ANO7: variants seen among roughly 807,000 people sequenced by gnomAD.
ANO7 encodes the protein anoctamin-7.
In ANO7, 114 loss-of-function variants were observed where a neutral mutation model predicts 115.8. The observed-to-expected ratio is 0.98, with a 90% CI of 0.85 to 1.15. ANO7 has a LOEUF of 1.15. Ranked by LOEUF, ANO7 falls within the 50% of genes most tolerant of loss-of-function variation. The pLI is 0.00. For missense variants in ANO7, 1,302 were observed against 1,201.2 expected, an observed-to-expected ratio of 1.08 and a Z score of -1.24; for synonymous variants, 550 against 498.2, an observed-to-expected ratio of 1.10 and a Z score of -1.38.
chr2:241,210,607 G>GC (rs772422753), intron 15 of ANO7, 37 bp downstream of exon 15: 2 of 1,574,146 alleles, frequency 1.3e-6, no homozygotes. Flanking sequence ...CTGACCAGGG[G>GC]CCCACCCTGC....
At chr2:241,189,474 A>G (rs1021031232) in intron 1 of ANO7, among the ~76,000 whole-genome samples, 8 of 152,002 alleles carry the variant, frequency 5.3e-5, no homozygotes, top group African/African-American at 1.9e-4. Flanking sequence ...GAGCCACGGC[A>G]CCTGTCCTCC....
chr2:241,202,769 C>G (rs6728788), intron 8 of ANO7, among the ~76,000 whole-genome samples: 4,394 of 152,322 alleles, frequency 0.029, 194 homozygotes, highest in African/African-American at 0.099. Flanking sequence ...ATTTATTCCC[C>G]CACCCGCCCA....
At chr2:241,235,303 GAA>G in the ANO7 span, 1 of 1,613,168 alleles carries the variant, frequency 6.2e-7, no homozygotes, top group Non-Finnish European at 8.5e-7. Flanking sequence ...CAGAGAACAG[GAA>G]AGAGTCCATT....
intron 17 of ANO7, among the ~76,000 whole-genome samples, chr2:241,214,323 G>C (rs1440240186): frequency 6.6e-6 from 1 of 152,196 alleles, no homozygotes; most frequent in African/African-American, 2.4e-5. Flanking sequence ...GCTATTCCCA[G>C]CATTGCCTGT....
At chr2:241,221,793 TC>T (rs2069025420) in intron 21 of ANO7, among the ~76,000 whole-genome samples, 1 of 151,944 alleles carries the variant, frequency 6.6e-6, no homozygotes, top group African/African-American at 2.4e-5. Context: ...TTCTCCTGCC[TC>T]AGCCTCCTGA....
At position 241,223,948 on chromosome 2, in the gene ANO7, GCTCAGAGGCAAGTCTGGGAGCAGC is replaced by G. The variant is rs770333205; in HGVS notation, c.2578_2583+18del. The G allele has an allele frequency of 1.9e-6, 3 of 1,609,418 alleles. No homozygotes were observed. The highest frequency in any genetic ancestry group is 1.1e-5 in the South Asian group (1 of 91,070). ...GGAACAAAGGATGAGCAGCCCGAGG[GCTCAGAGGCAAGTCTGGGAGCAGC>G]CAGGCCCCTGCCCCGTGCACTCCCT... On this transcript the variant is annotated splice_donor_variant and splice_donor_5th_base_variant and coding_sequence_variant and intron_variant, in exon 24 of 25. Transcript: ENST00000674324. LOFTEE classifies it high-confidence loss of function.
chr2:241,209,828 C>T (rs769131444), intron 13 of ANO7, among the ~76,000 whole-genome samples, 193 bp downstream of exon 13: 7 of 152,136 alleles, frequency 4.6e-5, no homozygotes, highest in African/African-American at 1.2e-4. Context: ...GTGAGTCATA[C>T]GGAGGGCCTG....
At position 241,205,000 on chromosome 2, in the gene ANO7, C is replaced by T. The variant is rs149574253; in HGVS notation, c.980+45C>T. ...AGCTCTGGGGCCTGGTGCTGGGCCT[C>T]CAGATGGGTGTGGGGCGGGGGGACC... On this transcript the variant is annotated intron_variant, in intron 10 of 24. Transcript: ENST00000674324. 1,402 of 1,567,744 alleles carry T rather than the reference C, an allele frequency of 8.9e-4. 8 individuals are homozygous for T. The African/African-American group carries it at 0.017, about 19-fold the overall frequency.
intron 21 of ANO7, among the ~76,000 whole-genome samples, chr2:241,218,925 T>A (rs1236746651): frequency 1.3e-5 from 2 of 152,210 alleles, no homozygotes; most frequent in Non-Finnish European, 2.9e-5. Context: ...CACCAGTAGT[T>A]TTGGTCAGGG....
At chr2:241,238,908 TCC>T in the ANO7 span, 1 of 735,102 alleles carries the variant, frequency 1.4e-6, no homozygotes, top group Non-Finnish European at 2.1e-6. The surrounding 1 kb of genome is among the most constrained non-coding windows in gnomAD (Gnocchi z 4.9). Flanking sequence ...GCACAGATGC[TCC>T]CCTTCTCCCG....
At chr2:241,218,479 G>T in intron 21 of ANO7, 98 bp downstream of exon 21, 1 of 1,145,102 alleles carries the variant, frequency 8.7e-7, no homozygotes, top group Non-Finnish European at 1.1e-6. Context: ...GAGCCGGGAG[G>T]GGCGGGCGCC....
downstream of ANO7, chr2:241,230,152 C>G: frequency 6.2e-7 from 1 of 1,610,238 alleles, no homozygotes; most frequent in Non-Finnish European, 8.5e-7. This position sits in a 1 kb window ranked among gnomAD's most constrained non-coding sequence, Gnocchi z 5.0. Flanking sequence ...CAGAGACTCA[C>G]GTATTCCTCC....
intron 12 of ANO7, 33 bp downstream of exon 12, chr2:241,209,461 C>G: frequency 6.3e-7 from 1 of 1,597,632 alleles, no homozygotes; most frequent in Admixed American, 1.7e-5. Flanking sequence ...CGGTCACACC[C>G]GGCGAGGGCC....
chr2:241,230,411 C>A (rs2069600538), downstream of ANO7: 1 of 631,070 alleles, frequency 1.6e-6, no homozygotes, highest in South Asian at 2.0e-5. This position sits in a 1 kb window ranked among gnomAD's most constrained non-coding sequence, Gnocchi z 5.0. Flanking sequence ...AGTCAGTCAG[C>A]CTCATCACCA....
At chr2:241,218,467 G>T in intron 21 of ANO7, 86 bp downstream of exon 21, 1 of 1,187,832 alleles carries the variant, frequency 8.4e-7, no homozygotes, top group Non-Finnish European at 1.1e-6. Flanking sequence ...TGCGGCGGTG[G>T]GGAGCCGGGA....
intron 13 of ANO7, 74 bp downstream of exon 13, chr2:241,209,709 C>T: frequency 6.7e-7 from 1 of 1,483,780 alleles, no homozygotes; most frequent in South Asian, 1.4e-5. Context: ...TCCCCCATCT[C>T]ACCTTGGTGC....
intron 10 of ANO7, among the ~76,000 whole-genome samples, chr2:241,205,547 G>A (rs1253330366): frequency 3.1e-5 from 4 of 130,496 alleles, no homozygotes; most frequent in East Asian, 2.8e-4. Context: ...GGCTGACACA[G>A]GTGGACAGGA....
At chr2:241,235,594 C>T in the ANO7 span, 1 of 1,608,816 alleles carries the variant, frequency 6.2e-7, no homozygotes, top group Non-Finnish European at 8.5e-7. Flanking sequence ...GGAACCAATG[C>T]CTGCAGGGAG....
chr2:241,231,870 T>C, the ANO7 span, among the ~76,000 whole-genome samples: 2 of 151,902 alleles, frequency 1.3e-5, no homozygotes, highest in African/African-American at 2.4e-5. Flanking sequence ...AAAACCACCA[T>C]GCAACAGGAC....
Sources: allele counts gnomAD v4.1 joint callset (sites outside exome capture counted in the v4.1 genomes callset), GRCh38; gene constraint gnomAD v4.1.1; non-coding constraint Gnocchi (gnomAD v3.1); transcripts MANE v1.5; gene names NCBI Gene and HGNC (gene_info 2026-07-23, HGNC 2026-07-21).